UBR3: variants seen among roughly 807,000 people sequenced by gnomAD.
The protein encoded by UBR3 is ubiquitin protein ligase E3 component n-recognin 3, also known as E3 ubiquitin-protein ligase UBR3.
In UBR3, 85 loss-of-function variants were observed where a neutral mutation model predicts 243.2. The observed-to-expected ratio is 0.35, with a 90% CI of 0.29 to 0.42. The LOEUF (loss-of-function observed/expected upper bound fraction) is 0.42, where lower values mean the gene tolerates loss of function less well. Ranked by LOEUF, UBR3 falls within the 10% of genes least tolerant of loss-of-function variation. The pLI is 1.00. For missense variants in UBR3, 1,686 were observed against 2,300.8 expected (o/e 0.73, Z 5.47); for synonymous variants, 748 against 799.8 (o/e 0.94, Z 1.09).
At chr2:169,983,407 C>T (rs1465537651) in intron 24 of UBR3, among the ~76,000 whole-genome samples, 3 of 151,766 alleles carry the variant, frequency 2.0e-5, no homozygotes, top group Non-Finnish European at 2.9e-5. Flanking sequence ...ATTACAGGCA[C>T]GCATCACCAC....
At chr2:169,855,775 A>G (rs1559024563) in intron 1 of UBR3, among the ~76,000 whole-genome samples, 1 of 152,142 alleles carries the variant, frequency 6.6e-6, no homozygotes, top group African/African-American at 2.4e-5. Flanking sequence ...TAACAATCCG[A>G]TCTCTCTTTC....
chr2:169,833,392 C>T (rs1204369996), intron 1 of UBR3, among the ~76,000 whole-genome samples: 2 of 152,154 alleles, frequency 1.3e-5, no homozygotes, highest in Middle Eastern at 3.2e-3. Flanking sequence ...CTCACATATT[C>T]TAAGCTCCTT....
At position 169,878,537 on chromosome 2, in the gene UBR3, C is replaced by T; in HGVS notation, c.1001C>T (p.Ala334Val). 6.4e-7 allele frequency: 1 copy of T among 1,551,332 alleles called. No homozygotes were observed. The highest frequency in any genetic ancestry group is 8.7e-7 in the Non-Finnish European group (1 of 1,146,716). The change falls in exon 5 of 39, where the codon GCA (alanine) becomes GTA (valine). Residue 334 changes from alanine (A) to valine (V), a missense_variant. By Grantham distance (64) the Ala-to-Val change is moderately conservative (BLOSUM62 0). Transcript: ENST00000272793. ...SSLAVQGFIG[A>V]TGTLGQVDSS... ...TTCTCCTCCAAAGGTTTCATAGGCG[C>T]AACAGGAACTTTGGGACAAGTGGAT...
chr2:169,943,912 T>C (rs1156963749), intron 20 of UBR3, among the ~76,000 whole-genome samples: 2 of 152,178 alleles, frequency 1.3e-5, no homozygotes, highest in East Asian at 3.8e-4. Context: ...TCTATACTTC[T>C]CTTCCTTTCA....
rs1160217396 is a variant in UBR3, at chr2:170,081,854, C to T, written c.*11C>T. ...TACAATGGGCTGTGACTCTCCACCT[C>T]AGCATTGCATCGTATCATCATTTTC... On this transcript the variant is annotated 3_prime_UTR_variant, in exon 39 of 39. Coordinates refer to ENST00000272793, the MANE Select transcript of UBR3 (RefSeq NM_172070.4). 2 of 1,517,408 alleles carry T rather than the reference C, an allele frequency of 1.3e-6. No homozygotes were observed. Among genetic ancestry groups the T allele is most frequent in the Non-Finnish European group, 1.8e-6 (2 of 1,115,520 alleles). The allele number at this position is 1,517,408 out of a possible 1,614,324, so 94.0% of individuals were successfully genotyped here. A position where few individuals can be genotyped will look rare whatever the true frequency, so the allele number is the denominator to read the frequency against.
intron 31 of UBR3, among the ~76,000 whole-genome samples, chr2:170,035,602 A>C (rs2090804216): frequency 6.6e-6 from 1 of 151,918 alleles, no homozygotes; most frequent in African/African-American, 2.4e-5. Context: ...AGTGTCAGTC[A>C]TCTAATTTTG....
At chr2:169,855,001 C>A (rs1056285812) in intron 1 of UBR3, among the ~76,000 whole-genome samples, 4 of 152,074 alleles carry the variant, frequency 2.6e-5, no homozygotes, top group Admixed American at 1.3e-4. Context: ...TGAGTCAGTG[C>A]TGATTTTGAT....
chr2:169,878,406 A>G, intron 4 of UBR3, 119 bp from the exon 5 acceptor site: 1 of 903,984 alleles, frequency 1.1e-6, no homozygotes, highest in Non-Finnish European at 1.7e-6. Flanking sequence ...AACTGTTAGA[A>G]TGAGGTGTCC....
At chr2:170,048,300 C>G (rs549629267) in intron 32 of UBR3, among the ~76,000 whole-genome samples, 1 of 152,284 alleles carries the variant, frequency 6.6e-6, no homozygotes, top group Admixed American at 6.5e-5. Context: ...TTGGCCGATT[C>G]ATGGAGGAAG....
intron 6 of UBR3, among the ~76,000 whole-genome samples, chr2:169,894,587 T>G (rs1309593099): frequency 6.6e-6 from 1 of 152,076 alleles, no homozygotes; most frequent in Non-Finnish European, 1.5e-5. Context: ...TGCAGTGTTT[T>G]GTAAAGAAAG....
At chr2:169,913,976 C>A in intron 10 of UBR3, 84 bp from the exon 11 acceptor site, 1 of 543,794 alleles carries the variant, frequency 1.8e-6, no homozygotes, top group Non-Finnish European at 2.8e-6. Context: ...TATATATACA[C>A]AATGCATATA....
At position 169,850,567 on chromosome 2, in the gene UBR3, G is replaced by A. The variant is rs140819204; in HGVS notation, c.546-21669G>A. Among the ~76,000 whole-genome samples the A allele has an allele frequency of 2.4e-3, 365 of 152,262 alleles. 2 individuals are homozygous for A. Among genetic ancestry groups the A allele is most frequent in the African/African-American group, 8.5e-3 (352 of 41,560 alleles). ...GAAGTAAAAAGTTATAATTGAGGCC[G>A]GGCACAGTGACTCATGCCTGTAATC... is the stretch of plus-strand genomic sequence containing the variant. On this transcript the variant is annotated intron_variant, in intron 1 of 38. Transcript: ENST00000272793.
chr2:169,949,192 A>T (rs1351859516), intron 22 of UBR3, among the ~76,000 whole-genome samples: 1 of 152,068 alleles, frequency 6.6e-6, no homozygotes, highest in Admixed American at 6.5e-5. Flanking sequence ...AAACTAATTT[A>T]TAATTTTCTT....
chr2:169,946,288 A>T lies in UBR3; in HGVS notation c.2806A>T (p.Ile936Phe), dbSNP rs1180776970. The T allele has an allele frequency of 1.4e-6, 2 of 1,476,930 alleles. No homozygotes were observed. The highest frequency in any genetic ancestry group is 1.9e-4 in the Middle Eastern group (1 of 5,258). The allele number at this position is 1,476,930 out of a possible 1,614,324, so 91.5% of individuals were successfully genotyped here. Residue 936 changes from isoleucine to phenylalanine, a missense_variant and splice_region_variant, in exon 21 of 39, where the codon ATT (isoleucine) becomes TTT (phenylalanine). Transcript: ENST00000272793. ...GAGGCATTTTCTTCCCTTTTTAAAGATTTTGATGGATCATCAAAATCTGTC... is the reference window on the plus strand; with the variant it reads ...GAGGCATTTTCTTCCCTTTTTAAAGTTTTTGATGGATCATCAAAATCTGTC... Reference protein sequence around the residue: ...HIVLFTLLYKILMDHQNLSEH... With the variant: ...HIVLFTLLYKFLMDHQNLSEH...
rs188213136 is a variant in UBR3, at chr2:169,936,614, T to C, written c.2663+3606T>C. 6.0e-4 allele frequency among the ~76,000 whole-genome samples: 92 copies of C among 152,264 alleles called. 1 individual carries two copies. The East Asian group carries it at 0.016, about 27-fold the overall frequency. The stretch of plus-strand genomic sequence containing the variant: ...GTATACATGTGCCACATTGGTGTGC[T>C]GCACCCATTAACTCGTCATTTACAT... On this transcript the variant is annotated intron_variant, in intron 19 of 38. Transcript: ENST00000272793.
chr2:170,004,286 C>G (rs1055568871), intron 27 of UBR3, among the ~76,000 whole-genome samples: 1 of 152,044 alleles, frequency 6.6e-6, no homozygotes, highest in Admixed American at 6.6e-5. Flanking sequence ...AAGAAGGAAT[C>G]AACGTGATAG....
chr2:169,931,124 G>T (rs1228367546), intron 18 of UBR3, among the ~76,000 whole-genome samples: 1 of 152,102 alleles, frequency 6.6e-6, no homozygotes, highest in Non-Finnish European at 1.5e-5. Context: ...GGCCAAGGTG[G>T]GTGGATCACG....
chr2:169,955,793 C>CAAAAAAAAAAAAAAAAAAAAAAAAAAA (rs56238118), intron 23 of UBR3, among the ~76,000 whole-genome samples: 1 of 78,510 alleles, frequency 1.3e-5, no homozygotes, highest in African/African-American at 4.8e-5. Context: ...GACTCCATCT[C>CAAAAAAAAAAAAAAAAAAAAAAAAAAA]AAAAAAAAAA....
intron 5 of UBR3, among the ~76,000 whole-genome samples, chr2:169,880,027 G>A (rs1559051082): frequency 6.6e-6 from 1 of 152,184 alleles, no homozygotes. Context: ...TACACATATA[G>A]TTTTAAACTG....
Sources: gnomAD v4.1 joint callset for allele counts (sites outside exome capture counted in the v4.1 genomes callset) on GRCh38, gnomAD v4.1.1 for gene constraint, MANE v1.5 for transcripts, NCBI Gene and HGNC (gene_info 2026-07-23, HGNC 2026-07-21) for gene names.